Variants in MIPOL1 observed in about 807,000 individuals in gnomAD.
MIPOL1 encodes mirror-image polydactyly gene 1 protein.
A neutral mutation model predicts 60.9 loss-of-function variants in MIPOL1; 57 were observed. The ratio of observed to expected loss-of-function variants is 0.94; its 90% CI spans 0.76 to 1.17. MIPOL1 has a LOEUF of 1.17. Among genes scored for constraint, MIPOL1 ranks in the 50% most tolerant of loss-of-function variants. MIPOL1 has a pLI of 0.00. For missense variants in MIPOL1, 551 were observed against 511.6 expected (o/e 1.08, Z -0.74); for synonymous variants, 179 against 168.8 (o/e 1.06, Z -0.47).
rs146363169 is a variant in MIPOL1, at chr14:37,229,087, T to C, written c.-198-18016T>C. Among the ~76,000 whole-genome samples the C allele has an allele frequency of 9.0e-3, 1,369 of 152,340 alleles. 77 individuals are homozygous for C. The highest frequency in any genetic ancestry group is 0.082 in the Admixed American group (1,257 of 15,294). On this transcript the variant is annotated intron_variant, in intron 1 of 12. Transcript: ENST00000684589. ...AACATATATATACTTTTCTAGGTAT[T>C]GTGCAAAACAGGCACTAGAGACATG...
chr14:37,341,989 A>T (rs904050142), intron 9 of MIPOL1, among the ~76,000 whole-genome samples: 5 of 152,232 alleles, frequency 3.3e-5, no homozygotes, highest in Admixed American at 6.5e-5. Context: ...CATCAAGATT[A>T]AATAATTTAA....
intron 12 of MIPOL1, among the ~76,000 whole-genome samples, chr14:37,527,481 G>A (rs1468241927): frequency 1.3e-5 from 2 of 152,004 alleles, no homozygotes; most frequent in African/African-American, 4.8e-5. Flanking sequence ...TACTAATTCA[G>A]ATTTGTTTAT....
At chr14:37,535,562 T>C (rs996779250) in intron 12 of MIPOL1, among the ~76,000 whole-genome samples, 2 of 152,200 alleles carry the variant, frequency 1.3e-5, no homozygotes, top group African/African-American at 4.8e-5. Flanking sequence ...TTAAAACCTT[T>C]CAGCCACTTG....
intron 11 of MIPOL1, among the ~76,000 whole-genome samples, chr14:37,452,610 T>C (rs958252825): frequency 1.3e-5 from 2 of 152,222 alleles, no homozygotes; most frequent in Non-Finnish European, 2.9e-5. Flanking sequence ...GTACATCAGG[T>C]TTAGCCAGCT....
intron 12 of MIPOL1, among the ~76,000 whole-genome samples, chr14:37,532,401 T>C (rs2095485008): frequency 6.6e-6 from 1 of 152,212 alleles, no homozygotes; most frequent in African/African-American, 2.4e-5. Context: ...TCCTTAATAC[T>C]AACACTTTAA....
intron 11 of MIPOL1, among the ~76,000 whole-genome samples, chr14:37,488,833 G>T (rs2094996136): frequency 6.6e-6 from 1 of 152,014 alleles, no homozygotes; most frequent in Admixed American, 6.6e-5. Flanking sequence ...GCTTCCCTTT[G>T]TGGGTAACCT....
intron 11 of MIPOL1, among the ~76,000 whole-genome samples, chr14:37,457,866 C>A (rs1430501542): frequency 2.0e-5 from 3 of 152,092 alleles, no homozygotes; most frequent in Non-Finnish European, 4.4e-5. Context: ...AGTTACCTGG[C>A]TGAAGCATTT....
intron 10 of MIPOL1, among the ~76,000 whole-genome samples, chr14:37,398,709 C>T (rs566705976): frequency 6.6e-6 from 1 of 152,162 alleles, no homozygotes; most frequent in South Asian, 2.1e-4. Context: ...CAAATCACAC[C>T]CCTTCTAGCA....
chr14:37,223,820 A>G (rs1032562147), intron 1 of MIPOL1, among the ~76,000 whole-genome samples: 1 of 152,204 alleles, frequency 6.6e-6, no homozygotes, highest in Non-Finnish European at 1.5e-5. Context: ...TGTTTTTTAC[A>G]AAGTTAAATT....
chr14:37,325,273 G>A (rs757661307), intron 9 of MIPOL1, among the ~76,000 whole-genome samples: 11 of 151,710 alleles, frequency 7.3e-5, no homozygotes, highest in Non-Finnish European at 1.2e-4. Flanking sequence ...GTTTACCCTC[G>A]TCTTTTTGAT....
At chr14:37,296,845 G>T (rs1315333959) in intron 7 of MIPOL1, among the ~76,000 whole-genome samples, 1 of 152,156 alleles carries the variant, frequency 6.6e-6, no homozygotes, top group Non-Finnish European at 1.5e-5. Context: ...TCCAGGACCA[G>T]ATGGATTCAC....
intron 9 of MIPOL1, among the ~76,000 whole-genome samples, chr14:37,314,069 A>G (rs918956448): frequency 1.2e-4 from 18 of 152,138 alleles, no homozygotes; most frequent in Non-Finnish European, 2.6e-4. Flanking sequence ...GTCATTCTAT[A>G]TATCTAAATT....
At chr14:37,489,604 C>G (rs6571815) in intron 11 of MIPOL1, among the ~76,000 whole-genome samples, 117,160 of 152,096 alleles carry the variant, frequency 0.77, 45,669 homozygotes, top group African/African-American at 0.89. Flanking sequence ...TTTGGTCTTT[C>G]ATGTTGGTGA....
chr14:37,241,579 T>G (rs1046869870), intron 1 of MIPOL1, among the ~76,000 whole-genome samples: 16 of 2,782 alleles, frequency 5.8e-3, no homozygotes, highest in Admixed American at 0.012. Context: ...GGTGTGGGGG[T>G]GAGGGGGTGG....
In MIPOL1 at chr14:37,483,044, G is replaced by C. The variant is rs557406295; in HGVS notation, c.1032-16864G>C. Reference sequence around the variant, plus strand: ...ACACAATGTAAATGCTATGCAAATAGTTGTTATACTATATGTTTAGGGAAT... The same window carrying C: ...ACACAATGTAAATGCTATGCAAATACTTGTTATACTATATGTTTAGGGAAT... On this transcript the variant is annotated intron_variant, in intron 11 of 12. Transcript: ENST00000684589. Among the ~76,000 whole-genome samples, 5 of 150,874 alleles carry C rather than the reference G, an allele frequency of 3.3e-5. No individual in the cohort carries two copies. In the South Asian group the frequency reaches 1.0e-3, roughly 32 times the overall value.
At chr14:37,545,058 G>A (rs2095542552) in intron 12 of MIPOL1, among the ~76,000 whole-genome samples, 1 of 152,118 alleles carries the variant, frequency 6.6e-6, no homozygotes, top group Admixed American at 6.6e-5. Flanking sequence ...CTTTTATATT[G>A]TGAAAAAGGT....
At chr14:37,334,264 A>G (rs749468610) in intron 9 of MIPOL1, among the ~76,000 whole-genome samples, 3 of 152,082 alleles carry the variant, frequency 2.0e-5, no homozygotes, top group Admixed American at 6.5e-5. Context: ...GGGTTAAGAT[A>G]CATTTGAAAT....
At chr14:37,451,855 C>T in intron 11 of MIPOL1, among the ~76,000 whole-genome samples, 1 of 126,634 alleles carries the variant, frequency 7.9e-6, no homozygotes, top group Non-Finnish European at 1.5e-5. Context: ...CGCTCTGTGG[C>T]CCAGGTGGAA....
chr14:37,281,856 A>G (rs765272687), intron 6 of MIPOL1, among the ~76,000 whole-genome samples: 32 of 152,206 alleles, frequency 2.1e-4, no homozygotes, highest in Non-Finnish European at 4.1e-4. Flanking sequence ...GTGAAGAATT[A>G]CAGTAGAATT....
Sources: gnomAD v4.1 joint callset for allele counts (sites outside exome capture counted in the v4.1 genomes callset) on GRCh38, gnomAD v4.1.1 for gene constraint, MANE v1.5 for transcripts, NCBI Gene and HGNC (gene_info 2026-07-23, HGNC 2026-07-21) for gene names.